FGGY: variants seen among roughly 807,000 people sequenced by gnomAD.
The protein encoded by FGGY is FGGY carbohydrate kinase domain-containing protein.
FGGY carries 72 observed loss-of-function variants against 71.3 expected under a neutral mutation model. The ratio of observed to expected loss-of-function variants is 1.01; its 90% CI spans 0.84 to 1.23. The LOEUF is 1.23. FGGY is among the 50% of genes most tolerant of loss of function. The pLI, the probability that FGGY is intolerant of heterozygous loss-of-function variation, is 0.00. For missense variants in FGGY, 668 were observed against 682.3 expected (o/e 0.98, Z 0.23); for synonymous variants, 251 against 250.3 (o/e 1.00, Z -0.02).
chr1:59,562,525 T>C (rs974243911), intron 8 of FGGY, among the ~76,000 whole-genome samples: 5 of 152,184 alleles, frequency 3.3e-5, no homozygotes, highest in Admixed American at 6.5e-5. Flanking sequence ...TTCAGAAACA[T>C]GAGGCCAGAT....
At chr1:59,529,492 G>T (rs543907060) in intron 7 of FGGY, among the ~76,000 whole-genome samples, 1 of 152,166 alleles carries the variant, frequency 6.6e-6, no homozygotes. Context: ...GCAATGAAAC[G>T]TAGAGTATTC....
chr1:59,429,654 A>G (rs539398193), intron 5 of FGGY, among the ~76,000 whole-genome samples: 5 of 152,206 alleles, frequency 3.3e-5, no homozygotes, highest in Non-Finnish European at 7.3e-5. Context: ...TTTCCAGCAC[A>G]CATGCATATG....
intron 5 of FGGY, among the ~76,000 whole-genome samples, chr1:59,382,421 T>G (rs1011231889): frequency 6.6e-6 from 1 of 152,170 alleles, no homozygotes; most frequent in Non-Finnish European, 1.5e-5. Flanking sequence ...GAGATGCATA[T>G]GCTTGTGAAA....
At chr1:59,423,855 T>C (rs1557876347) in intron 5 of FGGY, among the ~76,000 whole-genome samples, 1 of 152,224 alleles carries the variant, frequency 6.6e-6, no homozygotes. Context: ...ATGCATTCTT[T>C]GATTCCTACT....
intron 8 of FGGY, among the ~76,000 whole-genome samples, chr1:59,597,868 G>C (rs2096539265): frequency 1.3e-5 from 2 of 152,128 alleles, no homozygotes; most frequent in Non-Finnish European, 1.5e-5. Context: ...CCGTATTAGA[G>C]AACTAATTCA....
chr1:59,393,842 A>G (rs542350214), intron 5 of FGGY, among the ~76,000 whole-genome samples: 1 of 152,148 alleles, frequency 6.6e-6, no homozygotes, highest in Non-Finnish European at 1.5e-5. Context: ...TGGTTTCTTT[A>G]TTTTGGCCCC....
intron 7 of FGGY, among the ~76,000 whole-genome samples, chr1:59,533,131 G>A (rs923759839): frequency 4.6e-5 from 7 of 152,168 alleles, no homozygotes; most frequent in African/African-American, 9.7e-5. Context: ...GTCAGTGGGC[G>A]CAGGACAGTG....
chr1:59,320,883 A>G (rs2046263828), intron 1 of FGGY, among the ~76,000 whole-genome samples: 1 of 152,214 alleles, frequency 6.6e-6, no homozygotes, highest in Non-Finnish European at 1.5e-5. Flanking sequence ...TTGCTTCTTA[A>G]TCAGTGTAGT....
At chr1:59,668,651 A>G (rs2097346903) in intron 13 of FGGY, among the ~76,000 whole-genome samples, 1 of 152,174 alleles carries the variant, frequency 6.6e-6, no homozygotes, top group South Asian at 2.1e-4. Flanking sequence ...CAGCTTAGAG[A>G]TAAGCAGACT....
rs189214207 is a variant in FGGY, at chr1:59,465,647, C to T, written c.670+8571C>T. Reference sequence around the variant, plus strand: ...CAAAATCTCCTCAGCTAATAAGCAACTTCAGCAAAGTCTCAGGATACAAAG... The same window carrying T: ...CAAAATCTCCTCAGCTAATAAGCAATTTCAGCAAAGTCTCAGGATACAAAG... On this transcript the variant is annotated intron_variant, in intron 6 of 15. Transcript: ENST00000303721. Among the ~76,000 whole-genome samples the T allele has an allele frequency of 2.7e-4, 41 of 152,336 alleles. 1 individual carries two copies. The East Asian group carries it at 7.3e-3, about 27-fold the overall frequency.
At chr1:59,591,548 G>T (rs563253305) in intron 8 of FGGY, among the ~76,000 whole-genome samples, 51 of 152,132 alleles carry the variant, frequency 3.4e-4, no homozygotes, top group African/African-American at 1.2e-3. Context: ...ATACTACAAG[G>T]CTACAGTAAC....
Position 59,531,977 on chromosome 1 carries a change from A to G in FGGY, c.799+19538A>G, listed in dbSNP as rs114512657. On this transcript the variant is annotated intron_variant, in intron 7 of 15. Coordinates refer to ENST00000303721, the MANE Select transcript of FGGY (RefSeq NM_018291.5). Reference sequence around the variant, plus strand: ...GTTATAACTAAAAGGTTTCATATGTAATGTCTGCATTGAGTAGAAAATAAG... The same window carrying G: ...GTTATAACTAAAAGGTTTCATATGTGATGTCTGCATTGAGTAGAAAATAAG... Among the ~76,000 whole-genome samples, 135 of 152,334 alleles carry G rather than the reference A, an allele frequency of 8.9e-4. 1 individual carries two copies. Among genetic ancestry groups the G allele is most frequent in the Non-Finnish European group, 1.7e-3 (116 of 68,018 alleles).
intron 8 of FGGY, among the ~76,000 whole-genome samples, chr1:59,604,801 G>A (rs190667343): frequency 1.8e-4 from 28 of 152,326 alleles, no homozygotes; most frequent in Non-Finnish European, 3.4e-4. Flanking sequence ...GAGGCAAGGG[G>A]CTGCAAGACA....
At chr1:59,473,337 C>T (rs560412957) in intron 6 of FGGY, among the ~76,000 whole-genome samples, 14 of 152,184 alleles carry the variant, frequency 9.2e-5, no homozygotes, top group African/African-American at 3.4e-4. Context: ...AGCGAGACCA[C>T]GAACCCACCA....
intron 9 of FGGY, among the ~76,000 whole-genome samples, chr1:59,618,727 G>C (rs1558569497): frequency 6.6e-6 from 1 of 152,054 alleles, no homozygotes; most frequent in Non-Finnish European, 1.5e-5. Flanking sequence ...ATGAGACTTA[G>C]ACTGGGAGAC....
intron 5 of FGGY, among the ~76,000 whole-genome samples, chr1:59,446,715 T>C (rs902422503): frequency 6.6e-6 from 1 of 152,156 alleles, no homozygotes; most frequent in Non-Finnish European, 1.5e-5. Flanking sequence ...GCCAGGAATA[T>C]CTTGGTAATT....
chr1:59,568,464 C>CG (rs56724590), intron 8 of FGGY, among the ~76,000 whole-genome samples: 19,000 of 59,130 alleles, frequency 0.32, 1,670 homozygotes, highest in South Asian at 0.42. Flanking sequence ...GTCGGGGGGG[C>CG]GGGGGGGGGT....
chr1:59,668,589 C>T (rs934538126), intron 13 of FGGY, among the ~76,000 whole-genome samples: 16 of 152,196 alleles, frequency 1.1e-4, no homozygotes, highest in African/African-American at 1.2e-4. Context: ...ACACGATGGA[C>T]GTAACTGATC....
intron 5 of FGGY, among the ~76,000 whole-genome samples, chr1:59,445,400 G>A (rs1475399258): frequency 2.6e-5 from 4 of 152,124 alleles, no homozygotes; most frequent in African/African-American, 9.7e-5. Flanking sequence ...TCATCCTCTT[G>A]ACACATTCTT....
Sources: gnomAD v4.1 joint callset for allele counts (sites outside exome capture counted in the v4.1 genomes callset) on GRCh38, gnomAD v4.1.1 for gene constraint, MANE v1.5 for transcripts, NCBI Gene and HGNC (gene_info 2026-07-23, HGNC 2026-07-21) for gene names.